Variants in STPG2 observed in about 807,000 individuals in gnomAD.
The protein encoded by STPG2 is sperm-tail PG-rich repeat-containing protein 2.
A neutral mutation model predicts 54.2 loss-of-function variants in STPG2; 56 were observed. The ratio of observed to expected loss-of-function variants is 1.03; its 90% CI spans 0.83 to 1.29. The LOEUF (loss-of-function observed/expected upper bound fraction) is 1.29. Ranked by LOEUF, STPG2 falls within the 50% of genes most tolerant of loss-of-function variation. STPG2 has a pLI of 0.00. For synonymous variants in STPG2, 200 were observed against 181.8 expected, an observed-to-expected ratio of 1.10 and a Z score of -0.81; for missense variants, 596 against 544.9, an observed-to-expected ratio of 1.09 and a Z score of -0.93.
At chr4:98,133,004 C>G (rs976249084) in intron 2 of STPG2, among the ~76,000 whole-genome samples, 1 of 147,082 alleles carries the variant, frequency 6.8e-6, no homozygotes, top group South Asian at 2.2e-4. Context: ...AAAAAGCAAA[C>G]CTTTCAAGGT....
intron 8 of STPG2, among the ~76,000 whole-genome samples, chr4:97,848,596 C>T (rs1282626669): frequency 1.3e-5 from 2 of 152,134 alleles, no homozygotes; most frequent in Admixed American, 1.3e-4. Context: ...TTGACTGTAG[C>T]TCCTGTCATA....
chr4:97,856,136 T>C (rs1383528792), intron 8 of STPG2, among the ~76,000 whole-genome samples: 1 of 152,162 alleles, frequency 6.6e-6, no homozygotes, highest in Non-Finnish European at 1.5e-5. Context: ...CTTAGGATTT[T>C]CTTGGCTATT....
chr4:97,641,922 C>T (rs754611822), intron 10 of STPG2, among the ~76,000 whole-genome samples: 8 of 151,440 alleles, frequency 5.3e-5, no homozygotes, highest in East Asian at 1.9e-4. Context: ...AAGTTGTAAG[C>T]ATAGTTGTTT....
intron 6 of STPG2, among the ~76,000 whole-genome samples, chr4:97,976,569 G>A (rs1734506311): frequency 6.6e-6 from 1 of 152,112 alleles, no homozygotes; most frequent in Admixed American, 6.5e-5. Flanking sequence ...CTATGGGAGA[G>A]TTAAAAGGTT....
chr4:97,815,149 C>T (rs1727867423), intron 9 of STPG2, among the ~76,000 whole-genome samples: 1 of 152,098 alleles, frequency 6.6e-6, no homozygotes, highest in South Asian at 2.1e-4. Flanking sequence ...AAAGAGAAAA[C>T]ATAATGGTAG....
At chr4:98,100,786 G>A (rs944720565) in intron 5 of STPG2, among the ~76,000 whole-genome samples, 7 of 147,366 alleles carry the variant, frequency 4.8e-5, no homozygotes, top group African/African-American at 5.0e-5. Context: ...AGTGATTCTC[G>A]TGCCTCAGCC....
intron 5 of STPG2, among the ~76,000 whole-genome samples, chr4:98,072,530 A>C (rs1232092849): frequency 6.6e-6 from 1 of 151,398 alleles, no homozygotes; most frequent in Non-Finnish European, 1.5e-5. Context: ...CACATCCTGC[A>C]CATGTACCCC....
At chr4:98,039,813 A>T (rs905248622) in intron 5 of STPG2, among the ~76,000 whole-genome samples, 1 of 151,664 alleles carries the variant, frequency 6.6e-6, no homozygotes, top group Non-Finnish European at 1.5e-5. Flanking sequence ...TTTATATATG[A>T]TGTATTTTCC....
At chr4:97,531,276 C>T (rs1731408344) in intron 4 of STPG2, among the ~76,000 whole-genome samples, 1 of 152,132 alleles carries the variant, frequency 6.6e-6, no homozygotes, top group Non-Finnish European at 1.5e-5. Flanking sequence ...ATTAGCACAA[C>T]CACTATGGAG....
rs1042734301 is a variant in STPG2, at chr4:97,508,601, T to C, written c.462+204098A>G. Among the ~76,000 whole-genome samples, 5 of 152,248 alleles carry C rather than the reference T, an allele frequency of 3.3e-5. No individual in the cohort carries two copies. In the South Asian group the frequency reaches 1.0e-3, roughly 32 times the overall value. On this transcript the variant is annotated intron_variant, in intron 4 of 4. Coordinates refer to the STPG2 transcript ENST00000522676. ...CATATCAACAAATATTAATTATTAA[T>C]TCAGTATTACTGTGTTATTCAAAAT... is the stretch of plus-strand genomic sequence containing the variant.
intron 9 of STPG2, among the ~76,000 whole-genome samples, chr4:97,719,892 A>G (rs531466551): frequency 6.6e-6 from 1 of 152,128 alleles, no homozygotes; most frequent in South Asian, 2.1e-4. Flanking sequence ...CATTTAGATG[A>G]TACATCACAT....
intron 8 of STPG2, among the ~76,000 whole-genome samples, chr4:97,851,843 T>C (rs933153443): frequency 6.6e-6 from 1 of 152,300 alleles, no homozygotes; most frequent in Middle Eastern, 3.4e-3. Context: ...AAAAAATGTG[T>C]ATCTCAGCAT....
At chr4:97,985,066 T>C (rs1734789815) in intron 5 of STPG2, among the ~76,000 whole-genome samples, 1 of 152,148 alleles carries the variant, frequency 6.6e-6, no homozygotes, top group Non-Finnish European at 1.5e-5. Context: ...GTACAACATA[T>C]ATGTTCTTTT....
intron 9 of STPG2, among the ~76,000 whole-genome samples, chr4:97,827,119 C>G (rs1418258510): frequency 6.6e-6 from 1 of 152,168 alleles, no homozygotes; most frequent in African/African-American, 2.4e-5. Flanking sequence ...AGGGGTTAAA[C>G]TGCATGGACT....
intron 5 of STPG2, among the ~76,000 whole-genome samples, chr4:98,036,577 A>T (rs1422601355): frequency 6.6e-6 from 1 of 151,960 alleles, no homozygotes; most frequent in East Asian, 1.9e-4. Flanking sequence ...AATACCACGT[A>T]TTCTGTCTTA....
rs1384573556 is a variant in STPG2, at chr4:97,780,329, A to G, written c.1204+60444T>C. On this transcript the variant is annotated intron_variant, in intron 9 of 10. Coordinates refer to ENST00000295268, the MANE Select transcript of STPG2 (RefSeq NM_174952.3). ...TAAAACAACAAAGATCAAAAGACAC[A>G]AAGAAGGCCATTACATAATGGTAAA... Among the ~76,000 whole-genome samples the G allele has an allele frequency of 5.3e-3, 139 of 26,074 alleles. 1 individual carries two copies. The highest frequency in any genetic ancestry group is 0.022 in the African/African-American group (125 of 5,750). The allele number at this position is 26,074 out of a possible 152,430, so 17.1% of individuals were successfully genotyped here.
intron 5 of STPG2, among the ~76,000 whole-genome samples, chr4:98,083,706 T>C (rs1404937758): frequency 1.3e-5 from 2 of 152,214 alleles, no homozygotes; most frequent in East Asian, 1.9e-4. Context: ...ACAATTTACA[T>C]ACAGCACAAA....
At chr4:97,462,513 C>T (rs974396335) in intron 4 of STPG2, among the ~76,000 whole-genome samples, 1 of 151,976 alleles carries the variant, frequency 6.6e-6, no homozygotes, top group Non-Finnish European at 1.5e-5. Context: ...AACTAGCATC[C>T]ATAAAATATT....
intron 4 of STPG2, among the ~76,000 whole-genome samples, chr4:97,523,175 T>A (rs1731215323): frequency 6.6e-6 from 1 of 151,950 alleles, no homozygotes; most frequent in Non-Finnish European, 1.5e-5. Flanking sequence ...GAAGCATAAT[T>A]TGAACAAAAA....
Sources: gnomAD v4.1 joint callset for allele counts (sites outside exome capture counted in the v4.1 genomes callset) on GRCh38, gnomAD v4.1.1 for gene constraint, MANE v1.5 for transcripts, NCBI Gene and HGNC (gene_info 2026-07-23, HGNC 2026-07-21) for gene names.